The following UTP20 variants were observed in gnomAD, a reference collection of about 807,000 sequenced individuals.
UTP20 encodes UTP20 small subunit processome component.
UTP20 carries 164 observed loss-of-function variants against 329.5 expected under a neutral mutation model. The observed-to-expected ratio is 0.50, with a 90% CI of 0.44 to 0.57. The LOEUF is 0.57. Ranked by LOEUF, UTP20 falls within the 20% of genes least tolerant of loss-of-function variation. The pLI is 0.00. For synonymous variants in UTP20, 1,151 were observed against 1,159.3 expected, an observed-to-expected ratio of 0.99 and a Z score of 0.14; for missense variants, 3,055 against 3,284.2, an observed-to-expected ratio of 0.93 and a Z score of 1.71.
intron 26 of UTP20, 28 bp downstream of exon 26, chr12:101,327,275 T>C: frequency 6.5e-7 from 1 of 1,543,940 alleles, no homozygotes; most frequent in Non-Finnish European, 8.8e-7. Flanking sequence ...CTCACTCTAA[T>C]ACCTGTTGTC....
In UTP20 at chr12:101,342,529, A is replaced by G; in HGVS notation, c.4185A>G (p.Ala1395=). 6.2e-7 allele frequency: 1 copy of G among 1,613,954 alleles called. No homozygotes were observed. The highest frequency in any genetic ancestry group is 8.5e-7 in the Non-Finnish European group (1 of 1,179,916). The part of the protein sequence containing the change: ...VDPTSFLKPI[A]KLFSVIKNKL... ...CTACAAGCTTCCTCAAGCCTATAGC[A>G]AAACTTTTCTCAGTTATTAAGAACA... The change falls in exon 33 of 62, where the codon GCA becomes GCG. Residue 1395 remains alanine (A), a synonymous_variant. Transcript: ENST00000261637.
At position 101,362,064 on chromosome 12, in the gene UTP20, A is replaced by G; in HGVS notation, c.5790+4A>G. 6.2e-7 allele frequency: 1 copy of G among 1,606,094 alleles called. No individual in the cohort carries two copies. The highest frequency in any genetic ancestry group is 8.5e-7 in the Non-Finnish European group (1 of 1,176,178). On this transcript the variant is annotated splice_donor_region_variant and intron_variant, in intron 44 of 61. Transcript: ENST00000261637. ...TTGTTTAGATATAATGATTGAGGTAAGACTTACAGAAACGAATTCTAATTT... is the reference window on the plus strand; with the variant it reads ...TTGTTTAGATATAATGATTGAGGTAGGACTTACAGAAACGAATTCTAATTT...
At chr12:101,314,131 C>T (rs765069738) in intron 21 of UTP20, among the ~76,000 whole-genome samples, 7 of 152,020 alleles carry the variant, frequency 4.6e-5, no homozygotes, top group Non-Finnish European at 8.8e-5. Flanking sequence ...AGATAAGGAA[C>T]CAGCAAAGGA....
At position 101,308,322 on chromosome 12, in the gene UTP20, C is replaced by T. The variant is rs1178124905; in HGVS notation, c.2133C>T (p.Val711=). 2 of 1,553,464 alleles carry T rather than the reference C, an allele frequency of 1.3e-6. No individual in the cohort carries two copies. Among genetic ancestry groups the T allele is most frequent in the Non-Finnish European group, 1.7e-6 (2 of 1,149,964 alleles). Residue 711 remains valine (V), a synonymous_variant, in exon 18 of 62, where the codon GTC becomes GTT. Transcript: ENST00000261637. The part of the protein sequence containing the change: ...KLRHDVVQTA[V]PDGPLQEVPL... ...GACATGATGTGGTACAGACTGCTGT[C>T]CCTGATGGGCCGTTACAGGAGGTAA...
intron 2 of UTP20, among the ~76,000 whole-genome samples, chr12:101,282,405 C>T (rs954987221): frequency 7.9e-5 from 12 of 152,182 alleles, no homozygotes; most frequent in African/African-American, 1.4e-4. Flanking sequence ...CTAGAGAATG[C>T]ATGTCACATT....
intron 15 of UTP20, among the ~76,000 whole-genome samples, chr12:101,303,854 C>T (rs1276574830): frequency 6.6e-6 from 1 of 152,188 alleles, no homozygotes; most frequent in South Asian, 2.1e-4. Context: ...TGGCATTTCT[C>T]CATGGTTAAT....
chr12:101,366,880 T>C (rs185408561), intron 47 of UTP20, among the ~76,000 whole-genome samples, 181 bp downstream of exon 47: 2 of 152,250 alleles, frequency 1.3e-5, no homozygotes, highest in Admixed American at 1.3e-4. Flanking sequence ...AGCACTTACA[T>C]TGAAGATGTA....
chr12:101,307,560 A>G (rs1035672003), intron 17 of UTP20, among the ~76,000 whole-genome samples: 3 of 152,116 alleles, frequency 2.0e-5, no homozygotes, highest in Admixed American at 1.3e-4. Flanking sequence ...TATTGTTAGT[A>G]AAGATGGAGT....
At chr12:101,319,393 C>A in intron 22 of UTP20, 152 bp from the exon 23 acceptor site, 1 of 572,374 alleles carries the variant, frequency 1.7e-6, no homozygotes, top group Non-Finnish European at 2.9e-6. Context: ...GAATAATTTC[C>A]TAAATGTAAA....
At chr12:101,329,802 G>C (rs1406362245) in intron 27 of UTP20, among the ~76,000 whole-genome samples, 1 of 151,948 alleles carries the variant, frequency 6.6e-6, no homozygotes, top group Non-Finnish European at 1.5e-5. Context: ...CCAGGAGTTT[G>C]AGACCAGCCT....
rs750404350 is a variant in UTP20 at position 101,291,982 on chromosome 12, A to G, written c.1051A>G (p.Thr351Ala). 6.2e-7 allele frequency: 1 copy of G among 1,612,950 alleles called. No homozygotes were observed. The highest frequency in any genetic ancestry group is 1.1e-5 in the South Asian group (1 of 90,612). Residue 351 changes from threonine to alanine, a missense_variant, in exon 10 of 62, where the codon ACA (threonine) becomes GCA (alanine). By Grantham distance (58) the Thr-to-Ala change is moderately conservative. Around this residue, in one of 3 missense-constraint regions of UTP20, gnomAD observed 2,445 missense variants for 2,575.5 expected, o/e 0.95. Coordinates refer to ENST00000261637, the MANE Select transcript of UTP20 (RefSeq NM_014503.3). ...PADVCKVLSQ[T>A]LQVASLSTSC... The stretch of plus-strand genomic sequence containing the variant: ...TTTCTTTTTGCAGGTGTTATCTCAA[A>G]CACTGCAAGTAGCCAGTCTCTCCAC...
chr12:101,369,644 T>C (rs1365939293), intron 48 of UTP20, 77 bp from the exon 49 acceptor site: 3 of 736,466 alleles, frequency 4.1e-6, no homozygotes, highest in African/African-American at 3.5e-5. Flanking sequence ...ATTTAAAGAG[T>C]CTGCATAGCC....
chr12:101,320,471 G>C (rs905204930), intron 23 of UTP20, among the ~76,000 whole-genome samples: 1 of 151,872 alleles, frequency 6.6e-6, no homozygotes, highest in Non-Finnish European at 1.5e-5. Context: ...CAGGAGAATC[G>C]TTTGAACCCA....
At chr12:101,347,366 T>C (rs1421894017) in intron 38 of UTP20, among the ~76,000 whole-genome samples, 2 of 151,954 alleles carry the variant, frequency 1.3e-5, no homozygotes, top group African/African-American at 2.4e-5. Flanking sequence ...GCACCAAAGA[T>C]ATAAAAATTA....
At chr12:101,291,718 C>G (rs538243674) in intron 8 of UTP20, 24 bp from the exon 9 acceptor site, 1 of 1,537,128 alleles carries the variant, frequency 6.5e-7, no homozygotes, top group Admixed American at 2.0e-5. Context: ...TTTATATTCT[C>G]TCTGTTAAAT....
At chr12:101,367,278 C>A (rs1870128486) in intron 47 of UTP20, among the ~76,000 whole-genome samples, 1 of 152,000 alleles carries the variant, frequency 6.6e-6, no homozygotes, top group Non-Finnish European at 1.5e-5. Flanking sequence ...TAGTGAGACC[C>A]TGTCTCTAAA....
At chr12:101,294,453 T>G (rs116804661) in intron 11 of UTP20, among the ~76,000 whole-genome samples, 343 of 152,306 alleles carry the variant, frequency 2.3e-3, no homozygotes, top group African/African-American at 7.6e-3. Flanking sequence ...ATATTAGAAA[T>G]TTTGGTTGAA....
At chr12:101,369,974 G>A in intron 49 of UTP20, 83 bp downstream of exon 49, 1 of 1,408,586 alleles carries the variant, frequency 7.1e-7, no homozygotes, top group South Asian at 1.3e-5. Context: ...AGCACTTTGG[G>A]AGGCTGAGGT....
rs372446066 is a variant in UTP20, at chr12:101,309,829, G to C, written c.2221G>C (p.Glu741Gln). The change falls in exon 19 of 62, where the codon GAA becomes CAA. Residue 741 changes from glutamate (E) to glutamine (Q), a missense_variant. Glu to Gln is a conservative substitution (Grantham distance 29). Coordinates refer to ENST00000261637, the MANE Select transcript of UTP20 (RefSeq NM_014503.3). ...NFSALWDPVI[E>Q]LISSHAHEME... ...CAGTGCACTCTGGGATCCTGTTATT[G>C]AACTCATAAGGTAAACATGGGTTAA... 6 of 1,613,338 alleles carry C rather than the reference G, an allele frequency of 3.7e-6. No homozygotes were observed. Among genetic ancestry groups the C allele is most frequent in the Non-Finnish European group, 5.1e-6 (6 of 1,179,784 alleles).
Sources: gnomAD v4.1 joint callset for allele counts (sites outside exome capture counted in the v4.1 genomes callset) on GRCh38, gnomAD v4.1.1 for gene constraint, gnomAD v4.1.1 regional missense constraint, MANE v1.5 for transcripts, NCBI Gene and HGNC (gene_info 2026-07-23, HGNC 2026-07-21) for gene names.